Variants in TBC1D22A observed in about 807,000 individuals in gnomAD.
TBC1D22A encodes TBC1 domain family member 22A.
In TBC1D22A, 38 loss-of-function variants were observed where a neutral mutation model predicts 60.2. That is an observed-to-expected ratio of 0.63 (90% CI 0.49 to 0.83). The LOEUF (loss-of-function observed/expected upper bound fraction) is 0.83, where lower values mean the gene tolerates loss of function less well. Ranked by LOEUF, TBC1D22A falls within the 40% of genes least tolerant of loss-of-function variation. The probability of loss-of-function intolerance (pLI) is 0.00; values close to 1 mark genes in which losing one functional copy is unlikely to be tolerated. For synonymous variants in TBC1D22A, 302 were observed against 281.7 expected, an observed-to-expected ratio of 1.07 and a Z score of -0.72; for missense variants, 628 against 701.0, an observed-to-expected ratio of 0.90 and a Z score of 1.18.
intron 4 of TBC1D22A, among the ~76,000 whole-genome samples, chr22:46,804,864 C>G (rs1248906228): frequency 1.3e-5 from 2 of 152,136 alleles, no homozygotes; most frequent in African/African-American, 4.8e-5. Context: ...AAGGAGCCGC[C>G]TTAAAAACTT....
intron 1 of TBC1D22A, among the ~76,000 whole-genome samples, chr22:46,780,599 G>T (rs543861066): frequency 2.0e-5 from 3 of 152,222 alleles, no homozygotes; most frequent in East Asian, 1.9e-4. Flanking sequence ...GGCCAGAGTC[G>T]CTCTGTCCCT....
Position 46,891,401 on chromosome 22 carries a change from A to G in TBC1D22A, c.837+7A>G, listed in dbSNP as rs747682555. On this transcript the variant is annotated splice_region_variant and intron_variant, in intron 6 of 12. Transcript: ENST00000337137. ...CCAGGACACATACAGGCAGGTGGGA[A>G]TCCTTTCTTTTTTTCGTATGTTGCC... The G allele has an allele frequency of 6.3e-7, 1 of 1,592,884 alleles. No individual in the cohort carries two copies. Among genetic ancestry groups the G allele is most frequent in the African/African-American group, 1.4e-5 (1 of 73,462 alleles).
intron 12 of TBC1D22A, among the ~76,000 whole-genome samples, chr22:47,144,529 C>G (rs1414964591): frequency 6.6e-6 from 1 of 152,232 alleles, no homozygotes; most frequent in Admixed American, 6.5e-5. Flanking sequence ...CTTACTGAGC[C>G]CCTGTCTGCC....
intron 5 of TBC1D22A, among the ~76,000 whole-genome samples, chr22:46,879,082 A>C (rs73891035): frequency 6.6e-6 from 1 of 151,870 alleles, no homozygotes; most frequent in Non-Finnish European, 1.5e-5. Context: ...ATTTGTTTCA[A>C]ATATGCTGAA....
At chr22:47,102,750 C>G (rs1458718410) in intron 11 of TBC1D22A, among the ~76,000 whole-genome samples, 1 of 152,072 alleles carries the variant, frequency 6.6e-6, no homozygotes, top group East Asian at 1.9e-4. Context: ...CTTACTAATT[C>G]AGAGTAGGAT....
chr22:46,809,793 T>C (rs914705672), intron 4 of TBC1D22A, among the ~76,000 whole-genome samples: 2 of 152,214 alleles, frequency 1.3e-5, no homozygotes, highest in African/African-American at 4.8e-5. Context: ...GCCCGGCTGC[T>C]GTGTTCTTAC....
chr22:46,847,518 C>CTCTGCCTT (rs1252621588), intron 4 of TBC1D22A, among the ~76,000 whole-genome samples: 2 of 152,234 alleles, frequency 1.3e-5, no homozygotes, highest in African/African-American at 4.8e-5. Context: ...TCTGCTGCTT[C>CTCTGCCTT]TCTGCCTTTC....
intron 11 of TBC1D22A, among the ~76,000 whole-genome samples, chr22:47,108,544 G>T (rs1343359878): frequency 6.6e-6 from 1 of 152,184 alleles, no homozygotes; most frequent in Non-Finnish European, 1.5e-5. Flanking sequence ...CTGGGACTGG[G>T]AGGGCTCAAA....
chr22:47,014,838 G>A (rs1430418222), intron 10 of TBC1D22A, among the ~76,000 whole-genome samples: 2 of 152,210 alleles, frequency 1.3e-5, no homozygotes, highest in Non-Finnish European at 2.9e-5. Context: ...TTGCCATGTG[G>A]GGGCCTCCCC....
intron 12 of TBC1D22A, among the ~76,000 whole-genome samples, chr22:47,135,971 GC>G (rs1362002279): frequency 6.6e-6 from 1 of 152,240 alleles, no homozygotes; most frequent in Admixed American, 6.5e-5. Flanking sequence ...GAGTAGATGG[GC>G]CAGGGACACC....
At chr22:46,804,473 C>A (rs542486818) in intron 4 of TBC1D22A, among the ~76,000 whole-genome samples, 4 of 152,334 alleles carry the variant, frequency 2.6e-5, no homozygotes, top group African/African-American at 7.2e-5. Context: ...AGCTCACTAG[C>A]AGAAATGGCT....
intron 8 of TBC1D22A, among the ~76,000 whole-genome samples, chr22:46,923,405 C>A (rs912390969): frequency 1.3e-5 from 2 of 152,238 alleles, no homozygotes; most frequent in Admixed American, 1.3e-4. Context: ...CATGGTATCA[C>A]CTCTGTGTGG....
intron 5 of TBC1D22A, 81 bp from the exon 6 acceptor site, chr22:46,891,185 G>C (rs2068385068): frequency 2.8e-6 from 4 of 1,434,282 alleles, no homozygotes; most frequent in Non-Finnish European, 3.7e-6. Flanking sequence ...TATGATGCAA[G>C]TCTTTTTATT....
intron 8 of TBC1D22A, among the ~76,000 whole-genome samples, chr22:46,969,279 T>C (rs2073954159): frequency 6.6e-6 from 1 of 152,194 alleles, no homozygotes; most frequent in Non-Finnish European, 1.5e-5. Context: ...TCTCTGCCCT[T>C]CTGCAGAAAA....
At chr22:46,892,494 G>A (rs569783166) in intron 6 of TBC1D22A, among the ~76,000 whole-genome samples, 29 of 152,264 alleles carry the variant, frequency 1.9e-4, no homozygotes, top group Admixed American at 1.4e-3. Context: ...CCCCTGGCCC[G>A]TGTTGCCTTC....
At chr22:47,017,560 G>A (rs995608560) in intron 10 of TBC1D22A, among the ~76,000 whole-genome samples, 12 of 152,162 alleles carry the variant, frequency 7.9e-5, no homozygotes, top group East Asian at 1.9e-4. Flanking sequence ...GCCCTCCCTC[G>A]GATCCTGTGT....
At chr22:47,060,197 G>A (rs1457970640) in intron 11 of TBC1D22A, among the ~76,000 whole-genome samples, 1 of 151,782 alleles carries the variant, frequency 6.6e-6, no homozygotes, top group Non-Finnish European at 1.5e-5. Flanking sequence ...GGCAGATCAG[G>A]CCTCCCTTCA....
chr22:47,132,203 G>A (rs2066702018), intron 12 of TBC1D22A, among the ~76,000 whole-genome samples: 1 of 152,112 alleles, frequency 6.6e-6, no homozygotes, highest in Admixed American at 6.5e-5. Flanking sequence ...AAGAGATGGG[G>A]TCTGCCTGGA....
At chr22:47,163,814 C>T (rs1349392366) in intron 12 of TBC1D22A, among the ~76,000 whole-genome samples, 1 of 152,240 alleles carries the variant, frequency 6.6e-6, no homozygotes, top group Non-Finnish European at 1.5e-5. Flanking sequence ...GGGTCGTTTC[C>T]TCATGCACAC....
Sources: allele counts gnomAD v4.1 joint callset (sites outside exome capture counted in the v4.1 genomes callset), GRCh38; gene constraint gnomAD v4.1.1; transcripts MANE v1.5; gene names NCBI Gene and HGNC (gene_info 2026-07-23, HGNC 2026-07-21).